FAM13C: variants seen among roughly 807,000 people sequenced by gnomAD.
FAM13C encodes the protein protein FAM13C.
In FAM13C, 37 loss-of-function variants were observed where a neutral mutation model predicts 73.2. That is an observed-to-expected ratio of 0.51 (90% confidence interval 0.39 to 0.67). The LOEUF (loss-of-function observed/expected upper bound fraction) is 0.67. Among genes scored for constraint, FAM13C ranks in the 30% least tolerant of loss-of-function variants. The pLI is 0.00. For missense variants in FAM13C, 589 were observed against 715.6 expected (o/e 0.82, Z 2.02); for synonymous variants, 246 against 260.9 (o/e 0.94, Z 0.55).
intron 3 of FAM13C, among the ~76,000 whole-genome samples, chr10:59,338,554 A>G (rs1261881999): frequency 6.6e-6 from 1 of 152,236 alleles, no homozygotes; most frequent in Non-Finnish European, 1.5e-5. Context: ...TATGATTTTG[A>G]GAAAGTCAGG....
chr10:59,320,724 G>A (rs558591071), intron 4 of FAM13C, among the ~76,000 whole-genome samples: 6 of 152,178 alleles, frequency 3.9e-5, no homozygotes, highest in Admixed American at 1.3e-4. Flanking sequence ...GTTACAGCTC[G>A]GCGTTTGCCT....
At chr10:59,259,779 A>G (rs1268354209) in intron 10 of FAM13C, among the ~76,000 whole-genome samples, 5 of 151,996 alleles carry the variant, frequency 3.3e-5, no homozygotes, top group Non-Finnish European at 5.9e-5. Flanking sequence ...GCATGAGGAG[A>G]TTTTTCTCTG....
chr10:59,339,555 A>G (rs930467628), intron 3 of FAM13C, among the ~76,000 whole-genome samples: 1 of 152,138 alleles, frequency 6.6e-6, no homozygotes, highest in African/African-American at 2.4e-5. Context: ...TACATGGATG[A>G]TAAATTAGGT....
intron 4 of FAM13C, among the ~76,000 whole-genome samples, chr10:59,304,250 A>T (rs1030025861): frequency 1.3e-5 from 2 of 152,150 alleles, no homozygotes; most frequent in Non-Finnish European, 2.9e-5. Context: ...TAGATGCTGG[A>T]TATCAGACCT....
At chr10:59,314,877 G>A (rs1849344208) in intron 4 of FAM13C, among the ~76,000 whole-genome samples, 1 of 152,016 alleles carries the variant, frequency 6.6e-6, no homozygotes, top group Admixed American at 6.6e-5. Flanking sequence ...TACAAATTAT[G>A]GCTTTAAACA....
chr10:59,321,279 G>T (rs371343542), intron 4 of FAM13C, among the ~76,000 whole-genome samples: 2 of 152,136 alleles, frequency 1.3e-5, no homozygotes, highest in African/African-American at 2.4e-5. Flanking sequence ...GACTACGGAA[G>T]AATGATCAGA....
chr10:59,270,847 C>G (rs747068025), intron 6 of FAM13C, among the ~76,000 whole-genome samples: 1 of 152,044 alleles, frequency 6.6e-6, no homozygotes, highest in Non-Finnish European at 1.5e-5. Flanking sequence ...TTATTTCAGG[C>G]AAAACAAAAA....
At chr10:59,275,450 G>A (rs1419603959) in intron 6 of FAM13C, among the ~76,000 whole-genome samples, 1 of 152,086 alleles carries the variant, frequency 6.6e-6, no homozygotes. Context: ...ATGCCATCTG[G>A]TCACTTCCAG....
chr10:59,283,518 C>T (rs773387885), intron 5 of FAM13C, 71 bp from the exon 6 acceptor site: 2 of 1,505,358 alleles, frequency 1.3e-6, no homozygotes, highest in Non-Finnish European at 1.8e-6. Flanking sequence ...ATTCTGCCAG[C>T]AAAAGCAGAA....
chr10:59,291,995 A>G (rs1846311543), intron 5 of FAM13C, among the ~76,000 whole-genome samples: 1 of 151,964 alleles, frequency 6.6e-6, no homozygotes, highest in Non-Finnish European at 1.5e-5. Flanking sequence ...TCACCATATT[A>G]GCCAGGATGG....
At position 59,321,431 on chromosome 10, in the gene FAM13C, C is replaced by CTTTTTTTTTTTTTTTTTTTTTTTTTTT. The variant is rs1850255076; in HGVS notation, c.443+2556_443+2557insAAAAAAAAAAAAAAAAAAAAAAAAAAA. Among the ~76,000 whole-genome samples the CTTTTTTTTTTTTTTTTTTTTTTTTTTT allele has an allele frequency of 3.6e-5, 4 of 109,856 alleles. 2 individuals carry two copies. The highest frequency in any genetic ancestry group is 3.7e-5 in the Non-Finnish European group (2 of 53,744). 72.1% of individuals were successfully genotyped at this position (109,856 alleles called of 152,430 possible). A position where few individuals can be genotyped will look rare whatever the true frequency, so the allele number is the denominator to read the frequency against. On this transcript the variant is annotated intron_variant, in intron 4 of 13. Coordinates refer to ENST00000618804, the MANE Select transcript of FAM13C (RefSeq NM_198215.4). ...AGAAAGGAATGGAGCCCTGCCAACACCTTTTTTTTTTTTTTTTTTTTTTTT... is the reference window on the plus strand; with the variant it reads ...AGAAAGGAATGGAGCCCTGCCAACACTTTTTTTTTTTTTTTTTTTTTTTTTTTCTTTTTTTTTTTTTTTTTTTTTTTT...
intron 3 of FAM13C, among the ~76,000 whole-genome samples, chr10:59,342,983 A>G (rs1853705005): frequency 6.6e-6 from 1 of 152,234 alleles, no homozygotes; most frequent in Non-Finnish European, 1.5e-5. Context: ...CCCAGCTCCC[A>G]TATCTGACAA....
chr10:59,334,287 G>A (rs572022467), intron 3 of FAM13C, among the ~76,000 whole-genome samples: 11 of 152,188 alleles, frequency 7.2e-5, no homozygotes, highest in Non-Finnish European at 1.6e-4. Context: ...AGCAAATCCT[G>A]ACAAGAAAAT....
At chr10:59,305,518 A>C (rs555675494) in intron 4 of FAM13C, among the ~76,000 whole-genome samples, 2 of 152,256 alleles carry the variant, frequency 1.3e-5, no homozygotes, top group Non-Finnish European at 2.9e-5. Flanking sequence ...TGCATCCTGA[A>C]GAAAGCATAT....
intron 5 of FAM13C, among the ~76,000 whole-genome samples, chr10:59,295,540 C>A (rs1003403974): frequency 6.6e-6 from 1 of 152,086 alleles, no homozygotes; most frequent in Admixed American, 6.6e-5. Context: ...GGGACGGGGG[C>A]TTTTCTCCAG....
At chr10:59,340,056 A>G (rs1853288780) in intron 3 of FAM13C, among the ~76,000 whole-genome samples, 1 of 152,210 alleles carries the variant, frequency 6.6e-6, no homozygotes, top group African/African-American at 2.4e-5. Flanking sequence ...CTTCGAAAGT[A>G]TCTTAGTCAA....
chr10:59,304,537 G>C (rs1482599641), intron 4 of FAM13C, among the ~76,000 whole-genome samples: 1 of 151,872 alleles, frequency 6.6e-6, no homozygotes, highest in Non-Finnish European at 1.5e-5. Context: ...GGAGCTAAAT[G>C]ATGAGAACAC....
intron 5 of FAM13C, among the ~76,000 whole-genome samples, chr10:59,301,987 G>A (rs1410958045): frequency 1.3e-5 from 2 of 151,076 alleles, no homozygotes; most frequent in African/African-American, 4.9e-5. Context: ...GGAAGAGGAG[G>A]AAGGGATGCA....
intron 10 of FAM13C, among the ~76,000 whole-genome samples, chr10:59,260,211 C>T (rs192470028): frequency 6.6e-5 from 10 of 152,290 alleles, no homozygotes; most frequent in African/African-American, 2.4e-4. Context: ...TTCCATCTCC[C>T]CTTTTCATTC....
Sources: gnomAD v4.1 joint callset for allele counts (sites outside exome capture counted in the v4.1 genomes callset) on GRCh38, gnomAD v4.1.1 for gene constraint, MANE v1.5 for transcripts, NCBI Gene and HGNC (gene_info 2026-07-23, HGNC 2026-07-21) for gene names.